The following LAMA4 variants were observed in gnomAD, a reference collection of about 807,000 sequenced individuals.
LAMA4 encodes laminin subunit alpha 4.
LAMA4 carries 127 observed loss-of-function variants against 207.1 expected under a neutral mutation model. The observed-to-expected ratio is 0.61, with a 90% CI of 0.53 to 0.71. The LOEUF is 0.71. Ranked by LOEUF, LAMA4 falls within the 30% of genes least tolerant of loss-of-function variation. The pLI, the probability that LAMA4 is intolerant of heterozygous loss-of-function variation, is 0.00. For missense variants in LAMA4, 2,093 were observed against 2,246.5 expected, an observed-to-expected ratio of 0.93 and a Z score of 1.38; for synonymous variants, 761 against 816.0, an observed-to-expected ratio of 0.93 and a Z score of 1.15.
intron 31 of LAMA4, among the ~76,000 whole-genome samples, chr6:112,128,681 C>A (rs1172100542): frequency 6.6e-6 from 1 of 152,136 alleles, no homozygotes; most frequent in Admixed American, 6.5e-5. Flanking sequence ...ATTGAAAGAT[C>A]ACTCTGTACC....
chr6:112,235,109 G>T (rs1178228340), intron 2 of LAMA4, among the ~76,000 whole-genome samples: 1 of 152,158 alleles, frequency 6.6e-6, no homozygotes, highest in African/African-American at 2.4e-5. Context: ...GAATGGGCAG[G>T]GTTAGAACTG....
intron 25 of LAMA4, 107 bp downstream of exon 25, chr6:112,136,016 C>T (rs1554331411): frequency 1.0e-6 from 1 of 998,902 alleles, no homozygotes. Context: ...TATGAAAGTT[C>T]TCAGTTTATT....
chr6:112,163,131 C>T (rs1189982431), intron 13 of LAMA4, among the ~76,000 whole-genome samples: 1 of 147,870 alleles, frequency 6.8e-6, no homozygotes, highest in Non-Finnish European at 1.5e-5. Context: ...ACCACCACGC[C>T]TAGCTATTTA....
intron 9 of LAMA4, among the ~76,000 whole-genome samples, chr6:112,182,646 G>C (rs1036152833): frequency 1.1e-4 from 17 of 152,132 alleles, no homozygotes; most frequent in Non-Finnish European, 2.5e-4. Flanking sequence ...AGAAGTGGAG[G>C]AGATGGTGCA....
intron 4 of LAMA4, among the ~76,000 whole-genome samples, chr6:112,202,074 C>T (rs1554352679): frequency 6.6e-6 from 1 of 152,070 alleles, no homozygotes; most frequent in Non-Finnish European, 1.5e-5. Context: ...TAGAACTTGT[C>T]CAGTTTTAAA....
chr6:112,144,774 T>A lies in LAMA4; in HGVS notation c.2493+20A>T, dbSNP rs143397006. 6.8e-5 allele frequency: 110 copies of A among 1,612,284 alleles called. 1 individual carries two copies. In the African/African-American group the frequency reaches 1.3e-3, roughly 19 times the overall value. ...GTTATTATTACCGCTGACTGACTGATGAGTCTTTTCATCAGTTACCTTGCT... is the reference window on the plus strand; with the variant it reads ...GTTATTATTACCGCTGACTGACTGAAGAGTCTTTTCATCAGTTACCTTGCT... On this transcript the variant is annotated intron_variant, in intron 19 of 38. Transcript: ENST00000230538.
chr6:112,189,243 C>G (rs781894347), intron 6 of LAMA4, 38 bp from the exon 7 acceptor site: 1 of 1,406,062 alleles, frequency 7.1e-7, no homozygotes, highest in South Asian at 1.2e-5. Context: ...AAATGCACTT[C>G]TTAATGCTTA....
chr6:112,142,340 A>G (rs1554333549), intron 19 of LAMA4, 48 bp from the exon 20 acceptor site: 3 of 1,576,434 alleles, frequency 1.9e-6, no homozygotes, highest in East Asian at 2.2e-5. Flanking sequence ...AGAAATGGGC[A>G]GAGTGCTTTC....
intron 12 of LAMA4, chr6:112,171,680 A>C (rs1781723515): frequency 2.2e-5 from 1 of 45,196 alleles, no homozygotes; most frequent in Non-Finnish European, 7.6e-5. Flanking sequence ...CATTTAGCAA[A>C]AAAAAAAAAA....
At chr6:112,170,220 C>CT (rs1480785469) in intron 12 of LAMA4, among the ~76,000 whole-genome samples, 1 of 152,184 alleles carries the variant, frequency 6.6e-6, no homozygotes, top group Non-Finnish European at 1.5e-5. Flanking sequence ...ATAGGTCTTG[C>CT]TTTTTTCTCA....
chr6:112,240,801 C>A (rs752138838), intron 2 of LAMA4, among the ~76,000 whole-genome samples: 4 of 151,974 alleles, frequency 2.6e-5, no homozygotes, highest in Non-Finnish European at 5.9e-5. Flanking sequence ...TTGATGGACA[C>A]TTAGGTTGCC....
chr6:112,142,257 A>G lies in LAMA4; in HGVS notation c.2529T>C (p.Ala843=), dbSNP rs782277664. ...TACTGGTTCTCGAGTGCACTTCCAC[A>G]GCTGACTGGCCATCAAACATCATGG... is the stretch of plus-strand genomic sequence containing the variant. ...QVSMMFDGQS[A]VEVHSRTSMD... The change falls in exon 20 of 39, where the codon GCT becomes GCC. Residue 843 remains alanine (A), a synonymous_variant. Transcript: ENST00000230538. The G allele has an allele frequency of 1.9e-6, 3 of 1,614,026 alleles. No homozygotes were observed. Among genetic ancestry groups the G allele is most frequent in the Admixed American group, 1.7e-5 (1 of 60,006 alleles).
chr6:112,185,740 T>C (rs1388704120), intron 8 of LAMA4, among the ~76,000 whole-genome samples: 1 of 152,218 alleles, frequency 6.6e-6, no homozygotes, highest in Admixed American at 6.5e-5. Flanking sequence ...AAATGGAGTA[T>C]AGAAATTAAC....
intron 3 of LAMA4, among the ~76,000 whole-genome samples, chr6:112,215,596 C>A (rs1313492737): frequency 1.3e-5 from 2 of 152,210 alleles, no homozygotes; most frequent in East Asian, 3.9e-4. Flanking sequence ...GGAAAACATG[C>A]TATTTGAGCA....
Position 112,109,191 on chromosome 6 carries a change from C to T in LAMA4, c.*246G>A, listed in dbSNP as rs1205965044. On this transcript the variant is annotated 3_prime_UTR_variant, in exon 39 of 39. Transcript: ENST00000230538. The stretch of plus-strand genomic sequence containing the variant: ...ACAGTAATTTCACCAGTAGGAATTG[C>T]GTGTGCTCTCAATACAAGTAAGTTT... 9.5e-6 allele frequency: 5 copies of T among 527,906 alleles called. No individual in the cohort carries two copies. The highest frequency in any genetic ancestry group is 2.1e-5 in the South Asian group (1 of 47,452). 32.7% of individuals were successfully genotyped at this position (527,906 alleles called of 1,614,324 possible).
chr6:112,144,846 C>G lies in LAMA4; in HGVS notation c.2441G>C (p.Ser814Thr). The change falls in exon 19 of 39, where the codon AGC (serine) becomes ACC (threonine). Residue 814 changes from serine (S) to threonine (T), a missense_variant. By Grantham distance (58) the Ser-to-Thr change is moderately conservative. Coordinates refer to ENST00000230538, the MANE Select transcript of LAMA4 (RefSeq NM_001105206.3). ...QKRPASNVSA[S>T]IQRIRELIAQ... ...AATGAGCTCTCGGATCCTCTGGATG[C>G]TGGCAGAAACGTTGCTTGCAGGTCG... The G allele has an allele frequency of 6.2e-7, 1 of 1,613,978 alleles. No homozygotes were observed. Among genetic ancestry groups the G allele is most frequent in the Non-Finnish European group, 8.5e-7 (1 of 1,180,022 alleles).
intron 2 of LAMA4, among the ~76,000 whole-genome samples, chr6:112,249,216 G>C (rs551154865): frequency 6.6e-6 from 1 of 151,948 alleles, no homozygotes; most frequent in African/African-American, 2.4e-5. Context: ...AGGCCGAGGC[G>C]GGTGGATCAT....
At chr6:112,198,803 CT>C (rs1405132139) in intron 5 of LAMA4, among the ~76,000 whole-genome samples, 5 of 152,246 alleles carry the variant, frequency 3.3e-5, no homozygotes, top group African/African-American at 1.2e-4. Flanking sequence ...ATGACTCATA[CT>C]GTCACCTGTT....
At position 112,154,945 on chromosome 6, in the gene LAMA4, C is replaced by G. The variant is rs140246538; in HGVS notation, c.1962G>C (p.Ala654=). 1 of 1,603,836 alleles carries G rather than the reference C, an allele frequency of 6.2e-7. No individual in the cohort carries two copies. The highest frequency in any genetic ancestry group is 1.1e-5 in the South Asian group (1 of 90,850). The change falls in exon 16 of 39, where the codon GCG becomes GCC. Residue 654 remains alanine, a splice_region_variant and synonymous_variant. Transcript: ENST00000230538. The part of the protein sequence containing the change: ...ALNTTDRIYD[A]VSGIDTQIIY... ...TGATTTGAGTATCAATCCCACTCAC[C>G]GCCTACAAAGGAATTGAGAGAAGAG...
Sources: allele counts gnomAD v4.1 joint callset (sites outside exome capture counted in the v4.1 genomes callset), GRCh38; gene constraint gnomAD v4.1.1; transcripts MANE v1.5; gene names NCBI Gene and HGNC (gene_info 2026-07-23, HGNC 2026-07-21).